MYCBP2: variants seen among roughly 807,000 people sequenced by gnomAD.
MYCBP2 encodes the protein E3 ubiquitin-protein ligase MYCBP2.
In MYCBP2, 120 loss-of-function variants were observed where a neutral mutation model predicts 525.3. The observed-to-expected ratio is 0.23, with a 90% CI of 0.20 to 0.27. The LOEUF (loss-of-function observed/expected upper bound fraction) is 0.27, where lower values mean the gene tolerates loss of function less well. Among genes scored for constraint, MYCBP2 ranks in the 10% least tolerant of loss-of-function variants. The probability of loss-of-function intolerance (pLI) is 1.00; values close to 1 mark genes in which losing one functional copy is unlikely to be tolerated. For synonymous variants in MYCBP2, 1,894 were observed against 1,955.8 expected (o/e 0.97, Z 0.83); for missense variants, 4,149 against 5,657.1 (o/e 0.73, Z 8.55).
intron 20 of MYCBP2, among the ~76,000 whole-genome samples, chr13:77,218,814 G>C (rs1026397662): frequency 4.6e-5 from 7 of 152,132 alleles, no homozygotes; most frequent in African/African-American, 1.7e-4. Flanking sequence ...TATAGAAATA[G>C]TCCACACATA....
In MYCBP2 at chr13:77,261,243, C is replaced by T; in HGVS notation, c.1780G>A (p.Ala594Thr). ...CTCCCATCTTCTGCAACTAAAAGGG[C>T]GTGAGAGCCATCGTGTCCAACTGAG... ...HFSVGHDGSH[A>T]LLVAEDGSIF... is the part of the protein sequence containing the mutation. The change falls in exon 12 of 83, where the codon GCC (alanine) becomes ACC (threonine). Residue 594 changes from alanine to threonine, a missense_variant. Ala to Thr is a moderately conservative substitution (Grantham distance 58). Around this residue, in one of 21 missense-constraint regions of MYCBP2, gnomAD observed 262 missense variants for 419.3 expected, o/e 0.62. Transcript: ENST00000544440. 1.2e-6 allele frequency: 2 copies of T among 1,613,632 alleles called. No individual in the cohort carries two copies. The highest frequency in any genetic ancestry group is 1.7e-6 in the Non-Finnish European group (2 of 1,179,724).
At chr13:77,169,840 C>T (rs2058967444) in intron 38 of MYCBP2, 126 bp from the exon 39 acceptor site, 1 of 760,140 alleles carries the variant, frequency 1.3e-6, no homozygotes, top group South Asian at 1.6e-5. Context: ...CAATTGGGTG[C>T]TTGTCAAGGG....
intron 17 of MYCBP2, among the ~76,000 whole-genome samples, chr13:77,242,342 T>C (rs1476736780): frequency 6.6e-6 from 1 of 152,170 alleles, no homozygotes; most frequent in East Asian, 1.9e-4. Flanking sequence ...TCTTGATCTC[T>C]TGATCTTGTG....
chr13:77,212,262 A>G (rs1488196298), intron 21 of MYCBP2, 102 bp from the exon 22 acceptor site: 2 of 941,906 alleles, frequency 2.1e-6, no homozygotes, highest in Non-Finnish European at 3.0e-6. Flanking sequence ...ATGAAACCTT[A>G]TTTTTCACCA....
chr13:77,151,340 A>C (rs531416218), intron 46 of MYCBP2, among the ~76,000 whole-genome samples: 9 of 152,344 alleles, frequency 5.9e-5, no homozygotes, highest in Non-Finnish European at 1.0e-4. Context: ...GCACATTTTA[A>C]AGCACTAATG....
chr13:77,077,593 C>A, intron 66 of MYCBP2: 1 of 569,914 alleles, frequency 1.8e-6, no homozygotes, highest in Non-Finnish European at 3.0e-6. Context: ...GATGAAGAAA[C>A]TAAGGTTAAT....
chr13:77,093,118 T>C (rs1262609211), intron 59 of MYCBP2, 47 bp downstream of exon 59: 1 of 1,529,328 alleles, frequency 6.5e-7, no homozygotes, highest in Admixed American at 2.1e-5. Context: ...AAAGTCTTTC[T>C]TCCACCAAAC....
intron 26 of MYCBP2, among the ~76,000 whole-genome samples, chr13:77,202,562 G>A (rs2062755814): frequency 6.6e-6 from 1 of 151,912 alleles, no homozygotes; most frequent in Non-Finnish European, 1.5e-5. Flanking sequence ...GCATCATCCT[G>A]ATACCAAAGC....
chr13:77,068,229 G>A (rs2040518912), intron 70 of MYCBP2, among the ~76,000 whole-genome samples: 1 of 152,098 alleles, frequency 6.6e-6, no homozygotes, highest in African/African-American at 2.4e-5. Flanking sequence ...AATGGTAATA[G>A]TAGTGGTAAT....
intron 82 of MYCBP2, 59 bp from the exon 83 acceptor site, chr13:77,045,552 C>T (rs2035377344): frequency 9.8e-7 from 1 of 1,016,314 alleles, no homozygotes; most frequent in African/African-American, 1.6e-5. Context: ...CACATATAAA[C>T]CTCACAGAAA....
At chr13:77,237,309 C>A (rs866094561) in intron 17 of MYCBP2, among the ~76,000 whole-genome samples, 1 of 152,004 alleles carries the variant, frequency 6.6e-6, no homozygotes, top group African/African-American at 2.4e-5. Flanking sequence ...ATACAGAATA[C>A]TACTTTTGTA....
At chr13:77,263,575 A>G in intron 10 of MYCBP2, 76 bp downstream of exon 10, 1 of 1,304,552 alleles carries the variant, frequency 7.7e-7, no homozygotes, top group Non-Finnish European at 1.1e-6. Context: ...AACTGGTGAA[A>G]ACACAATGTT....
intron 55 of MYCBP2, chr13:77,103,165 A>T (rs1243295226): frequency 5.0e-6 from 2 of 397,158 alleles, no homozygotes; most frequent in African/African-American, 4.1e-5. Context: ...GACACTCCTT[A>T]TGTTCATTAA....
At chr13:77,159,401 A>G (rs2057601653) in intron 44 of MYCBP2, among the ~76,000 whole-genome samples, 1 of 152,138 alleles carries the variant, frequency 6.6e-6, no homozygotes, top group Non-Finnish European at 1.5e-5. Context: ...TTTCTTGAAC[A>G]ATAACATAAT....
chr13:77,139,291 T>G lies in MYCBP2; in HGVS notation c.7564A>C (p.Ile2522Leu), dbSNP rs756810000. Residue 2522 changes from isoleucine (I) to leucine (L), a missense_variant, in exon 52 of 83, where the codon ATA (isoleucine) becomes CTA (leucine). Ile to Leu is a conservative substitution (Grantham distance 5, BLOSUM62 2). This residue lies in a region of MYCBP2 where 692 missense variants were observed against 852.7 expected (regional missense o/e 0.81). Coordinates refer to ENST00000544440, the MANE Select transcript of MYCBP2 (RefSeq NM_015057.5). Reference sequence around the variant, plus strand: ...TTCATGTTAGGGACATACTTCTTTATTGTCTCATCATTCAGCCTCAGCCAC... The same window carrying G: ...TTCATGTTAGGGACATACTTCTTTAGTGTCTCATCATTCAGCCTCAGCCAC... ...GVWLRLNDET[I>L]KKYVPNMNGY... 2 of 1,613,820 alleles carry G rather than the reference T, an allele frequency of 1.2e-6. No individual in the cohort carries two copies.
At chr13:77,076,637 A>G (rs1477278700) in intron 68 of MYCBP2, 114 bp downstream of exon 68, 1 of 594,162 alleles carries the variant, frequency 1.7e-6, no homozygotes, top group Non-Finnish European at 2.9e-6. Context: ...ACAAATATGA[A>G]CTGCATAAAA....
Position 77,184,862 on chromosome 13 carries a change from C to T in MYCBP2, c.4719+241G>A, listed in dbSNP as rs370667662. Among the ~76,000 whole-genome samples the T allele has an allele frequency of 3.3e-5, 5 of 152,220 alleles. No individual in the cohort carries two copies. The East Asian group carries it at 5.8e-4, about 18-fold the overall frequency. ...TTCCTCTCTCCCTCTCTCAGAATCA[C>T]TCACTCCAATTCAAAAACCAATCAG... On this transcript the variant is annotated intron_variant, in intron 32 of 82. Transcript: ENST00000544440.
At chr13:77,193,427 C>G (rs1460954680) in intron 27 of MYCBP2, among the ~76,000 whole-genome samples, 1 of 152,068 alleles carries the variant, frequency 6.6e-6, no homozygotes, top group Non-Finnish European at 1.5e-5. Context: ...TTTTCACTAG[C>G]AAGAAAACCT....
rs1384646783 is a variant in MYCBP2 at position 77,270,074 on chromosome 13, A to AT, written c.1189-12_1189-11insA. 6.3e-7 allele frequency: 1 copy of AT among 1,591,854 alleles called. No individual in the cohort carries two copies. Among genetic ancestry groups the AT allele is most frequent in the Admixed American group, 1.8e-5 (1 of 55,278 alleles). On this transcript the variant is annotated splice_polypyrimidine_tract_variant and intron_variant, in intron 6 of 82. Transcript: ENST00000544440. ...ATTGTATATATGGCCCTGCAAAAAA[A>AT]ACAAAAGTTAGTATATCAGTGGTTT... is the stretch of plus-strand genomic sequence containing the variant.
Sources: gnomAD v4.1 joint callset for allele counts (sites outside exome capture counted in the v4.1 genomes callset) on GRCh38, gnomAD v4.1.1 for gene constraint, gnomAD v4.1.1 regional missense constraint, MANE v1.5 for transcripts, NCBI Gene and HGNC (gene_info 2026-07-23, HGNC 2026-07-21) for gene names.